The following KCNH5 variants were observed in gnomAD, a reference collection of about 807,000 sequenced individuals.
KCNH5 encodes voltage-gated delayed rectifier potassium channel KCNH5.
A neutral mutation model predicts 96.1 loss-of-function variants in KCNH5; 46 were observed. The ratio of observed to expected loss-of-function variants is 0.48; its 90% confidence interval spans 0.38 to 0.61. The LOEUF (loss-of-function observed/expected upper bound fraction) is 0.61, where lower values mean the gene tolerates loss of function less well. Ranked by LOEUF, KCNH5 falls within the 20% of genes least tolerant of loss-of-function variation. The probability of loss-of-function intolerance (pLI) is 0.00; values close to 1 mark genes in which losing one functional copy is unlikely to be tolerated. For missense variants in KCNH5, 907 were observed against 1,225.8 expected (o/e 0.74, Z 3.88); for synonymous variants, 439 against 449.8 (o/e 0.98, Z 0.30).
At chr14:62,997,894 C>T (rs1487847618) in intron 4 of KCNH5, among the ~76,000 whole-genome samples, 3 of 97,942 alleles carry the variant, frequency 3.1e-5, no homozygotes, top group Non-Finnish European at 5.5e-5. Flanking sequence ...AGCCAGACTC[C>T]ATCTCAAAAA....
intron 7 of KCNH5, among the ~76,000 whole-genome samples, chr14:62,887,687 TGAG>T (rs1004336269): frequency 3.3e-5 from 5 of 152,104 alleles, no homozygotes; most frequent in African/African-American, 4.8e-5. Context: ...AATACATGTA[TGAG>T]GTGGGGAGAA....
intron 7 of KCNH5, among the ~76,000 whole-genome samples, chr14:62,909,027 T>G (rs918775684): frequency 8.0e-6 from 1 of 125,652 alleles, no homozygotes; most frequent in Non-Finnish European, 1.6e-5. Flanking sequence ...AACACTATGC[T>G]ACGTATTTTT....
At chr14:62,828,296 T>A (rs921807792) in intron 8 of KCNH5, among the ~76,000 whole-genome samples, 1 of 152,210 alleles carries the variant, frequency 6.6e-6, no homozygotes, top group Non-Finnish European at 1.5e-5. Flanking sequence ...TTTTATTACC[T>A]GATTTCTTTT....
In KCNH5 at chr14:62,793,095, T is replaced by C. The variant is rs369689372; in HGVS notation, c.1822+9234A>G. 1.3e-3 allele frequency among the ~76,000 whole-genome samples: 203 copies of C among 151,842 alleles called. 12 individuals carry two copies. In the South Asian group the frequency reaches 0.04, roughly 30 times the overall value. On this transcript the variant is annotated intron_variant, in intron 9 of 10. Coordinates refer to ENST00000322893, the MANE Select transcript of KCNH5 (RefSeq NM_139318.5). Reference sequence around the variant, plus strand: ...CACTCATATGAAGTGTCTATAATAGTTACATTCATAGAAGCAGAGAATATA... The same window carrying C: ...CACTCATATGAAGTGTCTATAATAGCTACATTCATAGAAGCAGAGAATATA...
intron 9 of KCNH5, among the ~76,000 whole-genome samples, chr14:62,797,810 G>A (rs1336124791): frequency 2.0e-5 from 3 of 151,658 alleles, no homozygotes; most frequent in East Asian, 3.9e-4. Flanking sequence ...CAGCCTCCTG[G>A]GTTCAAGCAA....
intron 8 of KCNH5, among the ~76,000 whole-genome samples, chr14:62,812,116 C>A (rs770420825): frequency 1.3e-5 from 2 of 152,132 alleles, no homozygotes; most frequent in African/African-American, 4.8e-5. Flanking sequence ...TACGCTCCTT[C>A]GTGAAGCTCA....
chr14:62,866,902 T>A lies in KCNH5; in HGVS notation c.1370-17050A>T, dbSNP rs559625299. On this transcript the variant is annotated intron_variant, in intron 7 of 10. Transcript: ENST00000322893. ...TAATTGATACTCTTGCAAACAATCA[T>A]GTCCTGATAGTAAGAACTGAGTAAT... 2.6e-5 allele frequency among the ~76,000 whole-genome samples: 4 copies of A among 152,290 alleles called. No individual in the cohort carries two copies. The East Asian group carries it at 7.7e-4, about 29-fold the overall frequency.
At chr14:62,736,000 C>A (rs745942675) in intron 10 of KCNH5, among the ~76,000 whole-genome samples, 10 of 152,176 alleles carry the variant, frequency 6.6e-5, no homozygotes, top group Non-Finnish European at 1.2e-4. Context: ...TTCTCTAGAG[C>A]TGTCAGAGAG....
chr14:62,731,333 A>G (rs1256963221), intron 10 of KCNH5, among the ~76,000 whole-genome samples: 1 of 151,612 alleles, frequency 6.6e-6, no homozygotes, highest in Non-Finnish European at 1.5e-5. Flanking sequence ...TAAAAAATAA[A>G]TAAATAAAAT....
chr14:63,017,073 T>A (rs1400461179), intron 1 of KCNH5, 119 bp from the exon 2 acceptor site: 1 of 939,262 alleles, frequency 1.1e-6, no homozygotes, highest in Non-Finnish European at 1.5e-6. Context: ...TTTGTAATTG[T>A]ACAAATAATA....
At chr14:62,761,332 G>T (rs1382854217) in intron 10 of KCNH5, among the ~76,000 whole-genome samples, 1 of 150,012 alleles carries the variant, frequency 6.7e-6, no homozygotes, top group African/African-American at 2.5e-5. Flanking sequence ...TTCAACCTGG[G>T]TGACAGAATG....
chr14:62,852,814 C>A (rs1887834069), intron 7 of KCNH5, among the ~76,000 whole-genome samples: 1 of 152,148 alleles, frequency 6.6e-6, no homozygotes, highest in African/African-American at 2.4e-5. Flanking sequence ...GCAACAACAG[C>A]ACTGCCTGAA....
chr14:62,806,532 T>C (rs1166806268), intron 8 of KCNH5, among the ~76,000 whole-genome samples: 1 of 152,082 alleles, frequency 6.6e-6, no homozygotes, highest in Non-Finnish European at 1.5e-5. Context: ...GAAGGGACGA[T>C]ACTGAAGAAA....
At chr14:63,031,458 T>C (rs1891624691) in intron 1 of KCNH5, among the ~76,000 whole-genome samples, 1 of 152,136 alleles carries the variant, frequency 6.6e-6, no homozygotes, top group Admixed American at 6.6e-5. Flanking sequence ...CCTCCCTTTC[T>C]ATAGCAATTC....
chr14:62,774,532 T>C (rs1886057012), intron 10 of KCNH5, among the ~76,000 whole-genome samples: 1 of 152,322 alleles, frequency 6.6e-6, no homozygotes, highest in South Asian at 2.1e-4. Context: ...ACTTTAAAAG[T>C]CTAATAAGAA....
intron 7 of KCNH5, among the ~76,000 whole-genome samples, chr14:62,933,497 G>C (rs752466386): frequency 8.6e-5 from 13 of 151,950 alleles, no homozygotes; most frequent in Non-Finnish European, 1.8e-4. Flanking sequence ...ATGTGTGTGT[G>C]TGTAGTGGTA....
intron 8 of KCNH5, among the ~76,000 whole-genome samples, chr14:62,826,408 A>ATGTGTGTGTGTGTGTGTGTG (rs71451280): frequency 7.0e-6 from 1 of 141,984 alleles, no homozygotes; most frequent in African/African-American, 2.6e-5. Flanking sequence ...GCGTGCGTGC[A>ATGTGTGTGTGTGTGTGTGTG]TGTGTGTGTG....
chr14:62,927,117 A>G (rs906059057), intron 7 of KCNH5, among the ~76,000 whole-genome samples: 2 of 152,274 alleles, frequency 1.3e-5, no homozygotes, highest in Middle Eastern at 3.4e-3. Flanking sequence ...AAGAACATAT[A>G]CAAAAAGCCA....
At chr14:62,728,248 G>T (rs1228810341) in intron 10 of KCNH5, among the ~76,000 whole-genome samples, 2 of 151,242 alleles carry the variant, frequency 1.3e-5, no homozygotes, top group African/African-American at 4.9e-5. Flanking sequence ...ATAGCTGGGC[G>T]TGGTGGCAGG....
Sources: gnomAD v4.1 joint callset for allele counts (sites outside exome capture counted in the v4.1 genomes callset) on GRCh38, gnomAD v4.1.1 for gene constraint, MANE v1.5 for transcripts, NCBI Gene and HGNC (gene_info 2026-07-23, HGNC 2026-07-21) for gene names.